The following REDIC1 variants were observed in gnomAD, a reference collection of about 807,000 sequenced individuals.
REDIC1 encodes HEI10 Interacting Protein 1.
chr12:39,667,497 A>C, the REDIC1 span, among the ~76,000 whole-genome samples: 2 of 152,160 alleles, frequency 1.3e-5, no homozygotes, highest in African/African-American at 4.8e-5. Context: ...CTATGTGGTC[A>C]ATTTTGGAAT....
At chr12:39,670,698 C>T in the REDIC1 span, among the ~76,000 whole-genome samples, 1 of 151,332 alleles carries the variant, frequency 6.6e-6, no homozygotes, top group Non-Finnish European at 1.5e-5. Flanking sequence ...AATATTTTGT[C>T]ACTTTATGGT....
At chr12:39,896,371 T>C in the REDIC1 span, among the ~76,000 whole-genome samples, 690 of 131,752 alleles carry the variant, frequency 5.2e-3, no homozygotes, top group Admixed American at 0.014. Context: ...TATATATGTA[T>C]ACATATATGT....
the REDIC1 span, chr12:39,871,674 ATTTTTTTGTTGT>A: frequency 1.0e-6 from 1 of 1,003,084 alleles, no homozygotes; most frequent in Non-Finnish European, 1.4e-6. Context: ...AAGAACTCTA[ATTTTTTTGTTGT>A]TTGGCTGAGA....
the REDIC1 span, among the ~76,000 whole-genome samples, chr12:39,792,671 T>C: frequency 5.3e-4 from 81 of 152,238 alleles, no homozygotes; most frequent in Admixed American, 1.0e-3. Flanking sequence ...CAGTTGGCCC[T>C]ACAGATACCA....
At chr12:39,730,743 T>C in the REDIC1 span, among the ~76,000 whole-genome samples, 1 of 152,226 alleles carries the variant, frequency 6.6e-6, no homozygotes, top group Non-Finnish European at 1.5e-5. Flanking sequence ...TCCTGAAAAG[T>C]GTTTTCCAAC....
the REDIC1 span, among the ~76,000 whole-genome samples, chr12:39,751,749 G>T: frequency 2.6e-5 from 4 of 152,106 alleles, no homozygotes; most frequent in South Asian, 2.1e-4. Context: ...CATGTCCTTT[G>T]TAGGGACATG....
chr12:39,692,267 C>T, the REDIC1 span: 2 of 681,240 alleles, frequency 2.9e-6, no homozygotes. Context: ...GTTAAAATTA[C>T]TTTTATATTT....
chr12:39,815,589 T>C, the REDIC1 span, among the ~76,000 whole-genome samples: 2 of 152,192 alleles, frequency 1.3e-5, no homozygotes, highest in African/African-American at 2.4e-5. Context: ...GAGAAGTTTC[T>C]AGTTTGGGGG....
chr12:39,705,979 C>T, the REDIC1 span, among the ~76,000 whole-genome samples: 2 of 151,610 alleles, frequency 1.3e-5, no homozygotes, highest in African/African-American at 4.9e-5. Context: ...GAGCATGAGA[C>T]AAGAGAAAGA....
the REDIC1 span, among the ~76,000 whole-genome samples, chr12:39,682,188 T>C: frequency 1.3e-5 from 2 of 152,164 alleles, no homozygotes; most frequent in African/African-American, 4.8e-5. Flanking sequence ...AATGGTCTCA[T>C]AACTATTTGA....
chr12:39,821,272 T>C, the REDIC1 span, among the ~76,000 whole-genome samples: 1 of 151,870 alleles, frequency 6.6e-6, no homozygotes, highest in Non-Finnish European at 1.5e-5. Flanking sequence ...TAGCCGGGCG[T>C]GTTGGCGGGC....
the REDIC1 span, among the ~76,000 whole-genome samples, chr12:39,711,565 GTATATGTGCATACACATGCATGTGTA>G: frequency 0.012 from 1,409 of 121,752 alleles, 41 homozygotes; most frequent in East Asian, 0.076. Flanking sequence ...ACATGCATGT[GTATATGTGCATACACATGCATGTGTA>G]TATGTGTATA....
chr12:39,876,231 C>G, the REDIC1 span, among the ~76,000 whole-genome samples: 7 of 152,182 alleles, frequency 4.6e-5, no homozygotes, highest in Non-Finnish European at 8.8e-5. Flanking sequence ...TTATGTGACA[C>G]TCAGCTTCCA....
At chr12:39,696,183 C>T in the REDIC1 span, among the ~76,000 whole-genome samples, 2 of 151,994 alleles carry the variant, frequency 1.3e-5, no homozygotes, top group Non-Finnish European at 2.9e-5. Context: ...CTTCAGTGCC[C>T]AGGTACAAAC....
At chr12:39,805,191 C>T in the REDIC1 span, among the ~76,000 whole-genome samples, 2 of 152,162 alleles carry the variant, frequency 1.3e-5, no homozygotes, top group Non-Finnish European at 1.5e-5. Context: ...ATGTGTAGGA[C>T]TCTGCAGGGC....
chr12:39,738,361 A>G, the REDIC1 span, among the ~76,000 whole-genome samples: 1 of 152,202 alleles, frequency 6.6e-6, no homozygotes, highest in Non-Finnish European at 1.5e-5. Flanking sequence ...TTATTCATAT[A>G]TCATTTACGA....
At chr12:39,634,429 A>T in the REDIC1 span, among the ~76,000 whole-genome samples, 1 of 152,206 alleles carries the variant, frequency 6.6e-6, no homozygotes, top group African/African-American at 2.4e-5. Context: ...ACTGGTACCA[A>T]AACAGATATA....
the REDIC1 span, among the ~76,000 whole-genome samples, chr12:39,641,235 C>T: frequency 2.5e-3 from 387 of 151,906 alleles, 1 homozygote; most frequent in African/African-American, 8.5e-3. Flanking sequence ...CTTCTCACTA[C>T]CTGAGTATTG....
chr12:39,765,238 T>C, the REDIC1 span, among the ~76,000 whole-genome samples: 6 of 152,072 alleles, frequency 3.9e-5, no homozygotes, highest in African/African-American at 4.8e-5. Flanking sequence ...ACTTTTCATC[T>C]GATAAAATGG....
Sources: gnomAD v4.1 joint callset for allele counts (sites outside exome capture counted in the v4.1 genomes callset) on GRCh38, gnomAD v4.1.1 for gene constraint, MANE v1.5 for transcripts, NCBI Gene and HGNC (gene_info 2026-07-23, HGNC 2026-07-21) for gene names.